The following CPAMD8 variants were observed in gnomAD, a reference collection of about 807,000 sequenced individuals.
CPAMD8 encodes C3 and PZP like alpha-2-macroglobulin domain containing 8, also known as C3 and PZP-like alpha-2-macroglobulin domain-containing protein 8.
CPAMD8 carries 146 observed loss-of-function variants against 224.7 expected under a neutral mutation model. The observed-to-expected ratio is 0.65, with a 90% confidence interval of 0.57 to 0.75. CPAMD8 has a LOEUF of 0.75. Ranked by LOEUF, CPAMD8 falls within the 30% of genes least tolerant of loss-of-function variation. The pLI, the probability that CPAMD8 is intolerant of heterozygous loss-of-function variation, is 0.00. For synonymous variants in CPAMD8, 966 were observed against 1,044.6 expected, an observed-to-expected ratio of 0.92 and a Z score of 1.45; for missense variants, 2,301 against 2,537.5, an observed-to-expected ratio of 0.91 and a Z score of 2.00.
chr19:16,929,400 A>G (rs1277992205), intron 23 of CPAMD8, among the ~76,000 whole-genome samples, 160 bp from the exon 24 acceptor site: 1 of 152,162 alleles, frequency 6.6e-6, no homozygotes, highest in Non-Finnish European at 1.5e-5. Flanking sequence ...GGCATTGGCA[A>G]TGGCACACAA....
At chr19:16,905,332 C>T (rs1177870602) in intron 30 of CPAMD8, among the ~76,000 whole-genome samples, 1 of 151,364 alleles carries the variant, frequency 6.6e-6, no homozygotes, top group Non-Finnish European at 1.5e-5. Flanking sequence ...GTAATCCCAG[C>T]ACTTTGGGAG....
intron 13 of CPAMD8, among the ~76,000 whole-genome samples, chr19:16,987,180 ATATATATATATAT>A (rs1273941158): frequency 4.8e-5 from 2 of 41,942 alleles, no homozygotes; most frequent in African/African-American, 2.4e-4. Context: ...AAAAAAAAAA[ATATATATATATAT>A]ATATATATAT....
Position 16,975,236 on chromosome 19 carries a change from T to A in CPAMD8, c.1931A>T (p.Tyr644Phe). 3 of 1,606,938 alleles carry A rather than the reference T, an allele frequency of 1.9e-6. No homozygotes were observed. The highest frequency in any genetic ancestry group is 2.6e-6 in the Non-Finnish European group (3 of 1,176,458). ...PAQVFQELED[Y>F]DVSDSFGVSR... The stretch of plus-strand genomic sequence containing the variant: ...CACGCCAAAGGAATCAGAAACATCA[T>A]AATCTTCCAGTTCCTGGAAAACCTG... The change falls in exon 17 of 42, where the codon TAT becomes TTT. Residue 644 changes from tyrosine (Y) to phenylalanine (F), a missense_variant. Around this residue, in one of 4 missense-constraint regions of CPAMD8, gnomAD observed 1,709 missense variants for 1,753.2 expected, o/e 0.97. Coordinates refer to ENST00000443236, the MANE Select transcript of CPAMD8 (RefSeq NM_015692.5).
chr19:16,918,440 AACTT>A lies in CPAMD8; in HGVS notation c.3629+3461_3629+3464del, dbSNP rs1322944084. ...TTTTGGAACTTTGTGGAATTTTTAA[AACTT>A]TTTTTTTTTTTTTTTTTTTAAGAGA... On this transcript the variant is annotated intron_variant, in intron 27 of 41. Coordinates refer to ENST00000443236, the MANE Select transcript of CPAMD8 (RefSeq NM_015692.5). Among the ~76,000 whole-genome samples, 111 of 102,914 alleles carry A rather than the reference AACTT, an allele frequency of 1.1e-3. 1 individual carries two copies. Among genetic ancestry groups the A allele is most frequent in the Admixed American group, 1.8e-3 (18 of 10,024 alleles). The allele number at this position is 102,914 out of a possible 152,430, so 67.5% of individuals were successfully genotyped here. A position where few individuals can be genotyped will look rare whatever the true frequency, so the allele number is the denominator to read the frequency against.
chr19:17,001,322 A>G (rs2056310323), intron 9 of CPAMD8, among the ~76,000 whole-genome samples: 1 of 15,858 alleles, frequency 6.3e-5, no homozygotes, highest in Non-Finnish European at 1.7e-4. Flanking sequence ...CTCCGTCTGA[A>G]AAAAAAAAAA....
chr19:16,956,672 A>T (rs1026443764), intron 19 of CPAMD8, among the ~76,000 whole-genome samples: 33 of 146,474 alleles, frequency 2.3e-4, no homozygotes, highest in Admixed American at 4.8e-4. Flanking sequence ...TCTATGAAAT[A>T]TTTTTTTTTT....
Position 17,020,501 on chromosome 19 carries a change from G to A in CPAMD8, c.245-148C>T, listed in dbSNP as rs548082190. ...CCCTGGGTCATGCTGGCCTGGACTG[G>A]GCCAGGCTAGGACTGGCAGAAGCCA... On this transcript the variant is annotated intron_variant, in intron 2 of 41. Transcript: ENST00000443236. The A allele has an allele frequency of 2.9e-4, 191 of 651,238 alleles. 2 individuals carry two copies. The highest frequency in any genetic ancestry group is 1.0e-3 in the Middle Eastern group (4 of 3,892). 40.3% of individuals were successfully genotyped at this position (651,238 alleles called of 1,614,324 possible). A position where few individuals can be genotyped will look rare whatever the true frequency, so the allele number is the denominator to read the frequency against.
At chr19:16,924,727 T>A (rs917145490) in intron 26 of CPAMD8, among the ~76,000 whole-genome samples, 2 of 152,054 alleles carry the variant, frequency 1.3e-5, no homozygotes, top group Non-Finnish European at 2.9e-5. Context: ...ACTACAGGGG[T>A]GTGCCACCAT....
At chr19:16,973,473 C>G (rs1049001883) in intron 17 of CPAMD8, among the ~76,000 whole-genome samples, 3 of 151,964 alleles carry the variant, frequency 2.0e-5, no homozygotes, top group African/African-American at 7.3e-5. Context: ...CTTAGCCTCC[C>G]GAGTAGCTGG....
At chr19:16,967,350 G>T (rs923977282) in intron 18 of CPAMD8, among the ~76,000 whole-genome samples, 1 of 131,696 alleles carries the variant, frequency 7.6e-6, no homozygotes, top group Non-Finnish European at 1.6e-5. Context: ...GGGGTGGGGG[G>T]CCGGGGGAGG....
rs1168556326 is a variant in CPAMD8 at position 17,022,104 on chromosome 19, G to A, written c.170C>T (p.Pro57Leu). The A allele has an allele frequency of 3.1e-6, 5 of 1,605,748 alleles. No homozygotes were observed. The highest frequency in any genetic ancestry group is 4.3e-6 in the Non-Finnish European group (5 of 1,176,086). ...EVISVTIFNS[P>L]REVTVQAQLV... ...CTGAGCCTGGACCGTGACTTCCCTT[G>A]GAGAGTTAAAGATGGTCACGCTGAT... is the stretch of plus-strand genomic sequence containing the variant. Residue 57 changes from proline to leucine, a missense_variant, in exon 2 of 42, where the codon CCA becomes CTA. Physicochemically the swap from Pro to Leu is moderately conservative, Grantham distance 98 (BLOSUM62 -3). This residue lies in a region of CPAMD8 where 283 missense variants were observed against 340.6 expected (regional missense o/e 0.83). Transcript: ENST00000443236.
intron 11 of CPAMD8, among the ~76,000 whole-genome samples, chr19:16,996,652 C>G (rs2056132617): frequency 6.6e-6 from 1 of 151,982 alleles, no homozygotes; most frequent in African/African-American, 2.4e-5. Context: ...AACCCCGTCT[C>G]TACTAAAAAT....
intron 18 of CPAMD8, among the ~76,000 whole-genome samples, chr19:16,962,833 C>G (rs1463619067): frequency 2.0e-5 from 3 of 152,194 alleles, no homozygotes. Context: ...ATCAGACTAA[C>G]AGCAGATCTC....
intron 30 of CPAMD8, among the ~76,000 whole-genome samples, chr19:16,906,403 T>C (rs62128039): frequency 0.29 from 22,580 of 78,776 alleles, 3,064 homozygotes; most frequent in Middle Eastern, 0.36. Context: ...TCTTTCTTTC[T>C]TTCTTTCCTT....
chr19:16,898,230 G>A lies in CPAMD8; in HGVS notation c.4849-236C>T, dbSNP rs1299393620. 9.1e-6 allele frequency: 4 copies of A among 437,376 alleles called. No individual in the cohort carries two copies. The highest frequency in any genetic ancestry group is 6.0e-5 in the South Asian group (2 of 33,464). 27.1% of individuals were successfully genotyped at this position (437,376 alleles called of 1,614,324 possible). ...CGTGATCTCGGCTCACTGCAAGCTCGGCCTCCTGGGTTCAAATGATTCTCC... is the reference window on the plus strand; with the variant it reads ...CGTGATCTCGGCTCACTGCAAGCTCAGCCTCCTGGGTTCAAATGATTCTCC... On this transcript the variant is annotated intron_variant, in intron 37 of 41. Coordinates refer to ENST00000443236, the MANE Select transcript of CPAMD8 (RefSeq NM_015692.5). The surrounding 1 kb of genome is among the most constrained non-coding windows in gnomAD (Gnocchi z 4.2).
At chr19:16,983,768 T>C (rs1459231385) in intron 13 of CPAMD8, among the ~76,000 whole-genome samples, 4 of 152,178 alleles carry the variant, frequency 2.6e-5, no homozygotes, top group Non-Finnish European at 5.9e-5. Flanking sequence ...TGTTGATTCT[T>C]AGTTATGACA....
intron 19 of CPAMD8, among the ~76,000 whole-genome samples, chr19:16,954,204 G>A (rs1307581068): frequency 3.9e-5 from 6 of 151,996 alleles, no homozygotes; most frequent in African/African-American, 1.2e-4. Flanking sequence ...GTGGTGGTGC[G>A]TGTCTGTAGT....
At chr19:16,908,288 G>A (rs1009809051) in intron 29 of CPAMD8, among the ~76,000 whole-genome samples, 4 of 151,842 alleles carry the variant, frequency 2.6e-5, no homozygotes, top group African/African-American at 4.8e-5. Context: ...CCTTGAACCC[G>A]AGAGGCAGAG....
rs114055739 is a variant in CPAMD8, at chr19:17,000,080, T to A, written c.867+334A>T. 8.4e-3 allele frequency: 1,801 copies of A among 215,034 alleles called. 29 individuals carry two copies. The highest frequency in any genetic ancestry group is 0.039 in the African/African-American group (1,705 of 44,166). 13.3% of individuals were successfully genotyped at this position (215,034 alleles called of 1,614,324 possible). ...CTATTGGAGAACAAGTTATCTTTATTTTCTTCCTTTTTATATTTTCTAAAG... is the reference window on the plus strand; with the variant it reads ...CTATTGGAGAACAAGTTATCTTTATATTCTTCCTTTTTATATTTTCTAAAG... On this transcript the variant is annotated intron_variant, in intron 10 of 41. Coordinates refer to ENST00000443236, the MANE Select transcript of CPAMD8 (RefSeq NM_015692.5).
Sources: gnomAD v4.1 joint callset for allele counts (sites outside exome capture counted in the v4.1 genomes callset) on GRCh38, gnomAD v4.1.1 for gene constraint, gnomAD v4.1.1 regional missense constraint, Gnocchi (gnomAD v3.1) non-coding constraint, MANE v1.5 for transcripts, NCBI Gene and HGNC (gene_info 2026-07-23, HGNC 2026-07-21) for gene names.